DCAF6: variants seen among roughly 807,000 people sequenced by gnomAD.
DCAF6 encodes DDB1- and CUL4-associated factor 6.
DCAF6 carries 54 observed loss-of-function variants against 125.1 expected under a neutral mutation model. The observed-to-expected ratio is 0.43, with a 90% CI of 0.35 to 0.54. The LOEUF is 0.54. Ranked by LOEUF, DCAF6 falls within the 20% of genes least tolerant of loss-of-function variation. DCAF6 has a pLI of 0.01. For missense variants in DCAF6, 934 were observed against 1,161.7 expected (o/e 0.80, Z 2.85); for synonymous variants, 371 against 390.4 (o/e 0.95, Z 0.58).
the DCAF6 span, among the ~76,000 whole-genome samples, chr1:167,911,400 C>G: frequency 2.6e-5 from 4 of 152,160 alleles, no homozygotes; most frequent in African/African-American, 7.2e-5. Flanking sequence ...AAATATTTGC[C>G]CTGGCATGCT....
At chr1:167,918,694 C>T in the DCAF6 span, among the ~76,000 whole-genome samples, 3 of 150,764 alleles carry the variant, frequency 2.0e-5, no homozygotes, top group South Asian at 2.1e-4. Context: ...CCCGGGTTCA[C>T]GCCATTCTCC....
Position 168,037,397 on chromosome 1 carries a change from A to T in DCAF6, c.1610-974A>T, listed in dbSNP as rs576810787. On this transcript the variant is annotated intron_variant, in intron 12 of 21. Transcript: ENST00000367840. ...CCTTGAACTGGTATCAAGGAAAAAG[A>T]TATCTCACAGAAGAGTTTTCTTTCT... is the stretch of plus-strand genomic sequence containing the variant. 3.9e-5 allele frequency among the ~76,000 whole-genome samples: 6 copies of T among 152,302 alleles called. No individual in the cohort carries two copies. In the South Asian group the frequency reaches 1.2e-3, roughly 32 times the overall value.
At chr1:167,870,922 G>A in the DCAF6 span, among the ~76,000 whole-genome samples, 1 of 151,994 alleles carries the variant, frequency 6.6e-6, no homozygotes, top group African/African-American at 2.4e-5. Context: ...TAACCATGTG[G>A]TTTTGCAGTT....
chr1:167,954,195 G>C (rs1349154156), intron 2 of DCAF6, among the ~76,000 whole-genome samples: 5 of 151,662 alleles, frequency 3.3e-5, no homozygotes, highest in African/African-American at 1.2e-4. Context: ...TAGTAGAGAC[G>C]GGGTTTCGCC....
chr1:168,000,894 G>A (rs73026156), intron 7 of DCAF6, among the ~76,000 whole-genome samples: 16,466 of 151,916 alleles, frequency 0.11, 1,008 homozygotes, highest in African/African-American at 0.16. Context: ...TGATGAAAAC[G>A]GTCTGGAATT....
At chr1:167,877,057 T>G in the DCAF6 span, among the ~76,000 whole-genome samples, 4 of 151,906 alleles carry the variant, frequency 2.6e-5, no homozygotes, top group Non-Finnish European at 4.4e-5. Context: ...AACCCCACAT[T>G]TGTGAGAAAA....
chr1:168,001,612 AAACTGAGATTT>A (rs1190934786), intron 7 of DCAF6, among the ~76,000 whole-genome samples: 2 of 152,158 alleles, frequency 1.3e-5, no homozygotes, highest in Non-Finnish European at 2.9e-5. Context: ...TGTAGCTGTA[AAACTGAGATTT>A]TATGAAGTTG....
At chr1:167,952,031 G>T (rs761052144) in intron 2 of DCAF6, among the ~76,000 whole-genome samples, 170 bp downstream of exon 2, 2 of 152,142 alleles carry the variant, frequency 1.3e-5, no homozygotes, top group Non-Finnish European at 2.9e-5. Context: ...GTGTATGCAA[G>T]ATTTTTTAAA....
At chr1:167,969,839 C>T (rs1363835122) in intron 3 of DCAF6, among the ~76,000 whole-genome samples, 13 of 152,318 alleles carry the variant, frequency 8.5e-5, no homozygotes, top group East Asian at 3.9e-4. Flanking sequence ...TGCAGTGGCA[C>T]GATCTCGGCC....
the DCAF6 span, among the ~76,000 whole-genome samples, chr1:167,865,235 A>C: frequency 2.0e-5 from 3 of 152,192 alleles, no homozygotes; most frequent in African/African-American, 7.2e-5. Context: ...CTACATTAAA[A>C]GGTTAAAAAA....
chr1:167,920,557 C>T, the DCAF6 span: 1 of 1,613,812 alleles, frequency 6.2e-7, no homozygotes, highest in South Asian at 1.1e-5. Flanking sequence ...CTGTAGCCAT[C>T]AAAACAGCAG....
intron 16 of DCAF6, among the ~76,000 whole-genome samples, chr1:168,049,431 G>GTTTT (rs11369573): frequency 0.013 from 1,338 of 100,572 alleles, 16 homozygotes; most frequent in African/African-American, 0.022. Flanking sequence ...TGTTGTTGTT[G>GTTTT]TTTTTTTTTT....
the DCAF6 span, among the ~76,000 whole-genome samples, chr1:167,870,638 C>CAAAAA: frequency 1.1e-5 from 1 of 93,736 alleles, no homozygotes; most frequent in Non-Finnish European, 2.0e-5. Flanking sequence ...ACTGAAAATA[C>CAAAAA]AAAAAAAAAA....
intron 11 of DCAF6, among the ~76,000 whole-genome samples, chr1:168,022,153 C>G (rs575237173): frequency 4.1e-4 from 62 of 152,126 alleles, no homozygotes; most frequent in Non-Finnish European, 8.1e-4. Flanking sequence ...AGAATTAAAA[C>G]TTACTAACTT....
At chr1:168,052,137 G>A (rs895197098) in intron 17 of DCAF6, among the ~76,000 whole-genome samples, 1 of 152,094 alleles carries the variant, frequency 6.6e-6, no homozygotes, top group Non-Finnish European at 1.5e-5. Context: ...GCCCATGTTG[G>A]CCTCCCAGAG....
intron 17 of DCAF6, among the ~76,000 whole-genome samples, chr1:168,061,595 C>CT (rs1258447546): frequency 2.6e-5 from 4 of 152,018 alleles, no homozygotes; most frequent in African/African-American, 9.7e-5. Context: ...TTTATTTAAC[C>CT]TATTCTTTCT....
intron 1 of DCAF6, 134 bp downstream of exon 1, chr1:167,937,142 C>T: frequency 1.4e-6 from 1 of 715,510 alleles, no homozygotes; most frequent in Non-Finnish European, 2.4e-6. Flanking sequence ...TTGGGTGGGG[C>T]CTTGGTTGCC....
chr1:167,892,733 A>G, the DCAF6 span, among the ~76,000 whole-genome samples: 1 of 152,324 alleles, frequency 6.6e-6, no homozygotes. Context: ...CTATGAAGGC[A>G]GCTACCCACT....
chr1:167,949,167 A>G (rs910947118), intron 1 of DCAF6, among the ~76,000 whole-genome samples: 1 of 152,230 alleles, frequency 6.6e-6, no homozygotes, highest in Non-Finnish European at 1.5e-5. Flanking sequence ...AGTCAGAATT[A>G]TAAGAGGCAG....
Sources: gnomAD v4.1 joint callset for allele counts (sites outside exome capture counted in the v4.1 genomes callset) on GRCh38, gnomAD v4.1.1 for gene constraint, MANE v1.5 for transcripts, NCBI Gene and HGNC (gene_info 2026-07-23, HGNC 2026-07-21) for gene names.